The following CCSER1 variants were observed in gnomAD, a reference collection of about 807,000 sequenced individuals.
CCSER1 encodes serine-rich coiled-coil domain-containing protein 1.
In CCSER1, 41 loss-of-function variants were observed where a neutral mutation model predicts 82.0. The observed-to-expected ratio is 0.50, with a 90% confidence interval of 0.39 to 0.65. CCSER1 has a LOEUF of 0.65. CCSER1 is among the 30% of genes least tolerant of loss of function. The probability of loss-of-function intolerance (pLI) is 0.00; values close to 1 mark genes in which losing one functional copy is unlikely to be tolerated. For missense variants in CCSER1, 1,119 were observed against 1,064.2 expected, an observed-to-expected ratio of 1.05 and a Z score of -0.72; for synonymous variants, 414 against 383.9, an observed-to-expected ratio of 1.08 and a Z score of -0.92.
intron 3 of CCSER1, among the ~76,000 whole-genome samples, chr4:90,351,232 G>T (rs935732562): frequency 2.6e-5 from 4 of 152,128 alleles, no homozygotes; most frequent in African/African-American, 9.7e-5. Flanking sequence ...AATACAGAGA[G>T]AAATTCAATA....
chr4:91,085,556 A>G (rs902887983), intron 9 of CCSER1, among the ~76,000 whole-genome samples: 7 of 152,104 alleles, frequency 4.6e-5, no homozygotes, highest in African/African-American at 1.7e-4. Context: ...GCTGTCTTTT[A>G]TCAATCTGAC....
intron 7 of CCSER1, among the ~76,000 whole-genome samples, chr4:90,797,604 C>G (rs960973979): frequency 2.6e-5 from 4 of 152,156 alleles, no homozygotes; most frequent in Admixed American, 2.6e-4. Flanking sequence ...TTTGTAGTAG[C>G]TGCTAATGGT....
At chr4:90,467,468 G>A (rs1412297117) in intron 4 of CCSER1, among the ~76,000 whole-genome samples, 2 of 151,936 alleles carry the variant, frequency 1.3e-5, no homozygotes, top group African/African-American at 2.4e-5. Context: ...GGCCGATCTC[G>A]AGGTCAGGAG....
intron 6 of CCSER1, among the ~76,000 whole-genome samples, chr4:90,658,026 C>T (rs1373593779): frequency 6.6e-6 from 1 of 152,122 alleles, no homozygotes; most frequent in Non-Finnish European, 1.5e-5. Flanking sequence ...ATTGCTTGAA[C>T]CCAGGAGGCG....
rs376276680 is a variant in CCSER1 at position 91,353,414 on chromosome 4, G to A, written c.2218-245158G>A. On this transcript the variant is annotated intron_variant, in intron 10 of 10. Coordinates refer to ENST00000509176, the MANE Select transcript of CCSER1 (RefSeq NM_001145065.2). ...ACAATGTCTGTAATCTATGAATAAC[G>A]TCGGTTTCTAAGTTATGAGTTGATT... Among the ~76,000 whole-genome samples the A allele has an allele frequency of 9.1e-4, 138 of 152,270 alleles. 2 individuals are homozygous for A. The East Asian group carries it at 0.02, about 22-fold the overall frequency.
intron 1 of CCSER1, among the ~76,000 whole-genome samples, chr4:90,231,060 C>A (rs1366293055): frequency 6.6e-6 from 1 of 152,148 alleles, no homozygotes; most frequent in Non-Finnish European, 1.5e-5. Context: ...GGAACTGATA[C>A]CATTCCTTCT....
chr4:90,782,685 C>CTTT lies in CCSER1; in HGVS notation c.2011-33063_2011-33061dup, dbSNP rs61457393. 3.3e-3 allele frequency among the ~76,000 whole-genome samples: 436 copies of CTTT among 133,960 alleles called. 6 individuals carry two copies. The highest frequency in any genetic ancestry group is 0.012 in the African/African-American group (407 of 35,306). 87.9% of individuals were successfully genotyped at this position (133,960 alleles called of 152,430 possible). A position where few individuals can be genotyped will look rare whatever the true frequency, so the allele number is the denominator to read the frequency against. ...AGGGATTTCTTTCTTTTCTTTCTTTCTTTTTTTTTTTTTTTTGAGACAGTC... is the reference window on the plus strand; with the variant it reads ...AGGGATTTCTTTCTTTTCTTTCTTTCTTTTTTTTTTTTTTTTTTTGAGACAGTC... On this transcript the variant is annotated intron_variant, in intron 7 of 10. Coordinates refer to ENST00000509176, the MANE Select transcript of CCSER1 (RefSeq NM_001145065.2).
At chr4:91,304,339 T>G (rs1411251100) in intron 10 of CCSER1, among the ~76,000 whole-genome samples, 1 of 152,106 alleles carries the variant, frequency 6.6e-6, no homozygotes, top group African/African-American at 2.4e-5. Flanking sequence ...TTGGTAAATA[T>G]TAGGTTTAAT....
At position 90,850,422 on chromosome 4, in the gene CCSER1, C is replaced by T. The variant is rs530579447; in HGVS notation, c.2094+34577C>T. ...TGGAAAAGCTGCAAACACTCAACCC[C>T]AGCTGTGAAACCAGCTGGGAGCTGG... On this transcript the variant is annotated intron_variant, in intron 8 of 10. Coordinates refer to ENST00000509176, the MANE Select transcript of CCSER1 (RefSeq NM_001145065.2). Among the ~76,000 whole-genome samples the T allele has an allele frequency of 2.0e-5, 3 of 152,324 alleles. No individual in the cohort carries two copies. In the East Asian group the frequency reaches 5.8e-4, roughly 30 times the overall value.
At chr4:90,762,320 T>G (rs1446300485) in intron 7 of CCSER1, among the ~76,000 whole-genome samples, 6 of 152,170 alleles carry the variant, frequency 3.9e-5, no homozygotes, top group Non-Finnish European at 7.4e-5. Context: ...ACCATGATCA[T>G]AAGTTTTCTG....
At chr4:90,332,266 T>C (rs1739438040) in intron 3 of CCSER1, among the ~76,000 whole-genome samples, 1 of 151,850 alleles carries the variant, frequency 6.6e-6, no homozygotes, top group Non-Finnish European at 1.5e-5. Context: ...TTTTTTTTTT[T>C]GCTCTTATTG....
intron 10 of CCSER1, among the ~76,000 whole-genome samples, chr4:91,435,737 A>C (rs942869382): frequency 2.0e-5 from 3 of 152,238 alleles, no homozygotes; most frequent in African/African-American, 7.2e-5. Flanking sequence ...TATACCATTT[A>C]AAGCTTTATT....
intron 10 of CCSER1, among the ~76,000 whole-genome samples, chr4:91,134,303 G>A (rs1287830429): frequency 6.6e-6 from 1 of 151,646 alleles, no homozygotes; most frequent in African/African-American, 2.4e-5. Flanking sequence ...AGGCTGAGGT[G>A]AAAGGATCAC....
chr4:91,139,380 T>G (rs1230761764), intron 10 of CCSER1, among the ~76,000 whole-genome samples: 1 of 152,164 alleles, frequency 6.6e-6, no homozygotes, highest in Non-Finnish European at 1.5e-5. Flanking sequence ...TGCTACATCC[T>G]TCTTCAGAAC....
intron 9 of CCSER1, among the ~76,000 whole-genome samples, chr4:90,949,232 A>G (rs1019597486): frequency 6.6e-6 from 1 of 152,118 alleles, no homozygotes; most frequent in African/African-American, 2.4e-5. Flanking sequence ...ATGTCTGTTT[A>G]TGTGAGCAAT....
At chr4:90,483,443 A>G (rs1240066593) in intron 5 of CCSER1, among the ~76,000 whole-genome samples, 2 of 152,144 alleles carry the variant, frequency 1.3e-5, no homozygotes, top group Admixed American at 6.5e-5. Flanking sequence ...TTTGCTTGTT[A>G]GTTGATGCAG....
intron 8 of CCSER1, among the ~76,000 whole-genome samples, chr4:90,873,916 A>T (rs1229374456): frequency 6.6e-6 from 1 of 152,168 alleles, no homozygotes; most frequent in African/African-American, 2.4e-5. Context: ...AAAATGCATG[A>T]TTTAATAACT....
At chr4:90,439,562 G>T (rs1361767693) in intron 4 of CCSER1, among the ~76,000 whole-genome samples, 2 of 152,192 alleles carry the variant, frequency 1.3e-5, no homozygotes, top group South Asian at 4.1e-4. Context: ...CTCTGCCAAG[G>T]CTTTTCCAAA....
chr4:91,291,809 C>A (rs1022075005), intron 10 of CCSER1, among the ~76,000 whole-genome samples: 1 of 151,936 alleles, frequency 6.6e-6, no homozygotes, highest in Non-Finnish European at 1.5e-5. Flanking sequence ...TAAAGAAAAG[C>A]ATGAGAAATT....
Sources: gnomAD v4.1 joint callset for allele counts (sites outside exome capture counted in the v4.1 genomes callset) on GRCh38, gnomAD v4.1.1 for gene constraint, MANE v1.5 for transcripts, NCBI Gene and HGNC (gene_info 2026-07-23, HGNC 2026-07-21) for gene names.